Variants in NBL1 observed in about 807,000 individuals in gnomAD.
The protein encoded by NBL1 is NBL1, DAN family BMP antagonist.
NBL1 carries 9 observed loss-of-function variants against 16.0 expected under a neutral mutation model. That is an observed-to-expected ratio of 0.56 (90% CI 0.34 to 0.98). The LOEUF (loss-of-function observed/expected upper bound fraction) is 0.98, where lower values mean the gene tolerates loss of function less well. Among genes scored for constraint, NBL1 ranks in the 50% least tolerant of loss-of-function variants. The pLI is 0.02. For missense variants in NBL1, 196 were observed against 243.1 expected, an observed-to-expected ratio of 0.81 and a Z score of 1.29; for synonymous variants, 86 against 100.7, an observed-to-expected ratio of 0.85 and a Z score of 0.87.
At chr1:19,653,351 A>T (rs2095038176) in intron 1 of NBL1, among the ~76,000 whole-genome samples, 1 of 151,216 alleles carries the variant, frequency 6.6e-6, no homozygotes, top group South Asian at 2.1e-4. Flanking sequence ...GGATTGTCCT[A>T]AATGGGATGC....
Position 19,644,513 on chromosome 1 carries a change from C to G in NBL1, c.-20+67C>G. On this transcript the variant is annotated intron_variant, in intron 1 of 3. Coordinates refer to ENST00000375136, the MANE Select transcript of NBL1 (RefSeq NM_005380.8). This position sits in a 1 kb window ranked among gnomAD's most constrained non-coding sequence, Gnocchi z 4.6. ...GAGGCTTCGGCCGCGGGGGCAGTGCCGCGCCCCCAGCCCGGAGCTGCGTCC... is the reference window on the plus strand; with the variant it reads ...GAGGCTTCGGCCGCGGGGGCAGTGCGGCGCCCCCAGCCCGGAGCTGCGTCC... 4 of 875,462 alleles carry G rather than the reference C, an allele frequency of 4.6e-6. No individual in the cohort carries two copies. Among genetic ancestry groups the G allele is most frequent in the Non-Finnish European group, 5.5e-6 (4 of 732,064 alleles). The allele number at this position is 875,462 out of a possible 1,614,324, so 54.2% of individuals were successfully genotyped here. A position where few individuals can be genotyped will look rare whatever the true frequency, so the allele number is the denominator to read the frequency against.
chr1:19,656,809 C>T (rs754514735), intron 3 of NBL1, 57 bp from the exon 4 acceptor site: 3 of 1,545,372 alleles, frequency 1.9e-6, no homozygotes, highest in South Asian at 2.4e-5. Context: ...CTAGGGGCTG[C>T]CTTGCCTGCC....
At chr1:19,648,701 G>A (rs1218720558) in intron 1 of NBL1, among the ~76,000 whole-genome samples, 4 of 151,950 alleles carry the variant, frequency 2.6e-5, no homozygotes, top group Admixed American at 2.6e-4. Flanking sequence ...CTTTCTGTGT[G>A]GGCGGCAGCT....
At chr1:19,655,231 G>A (rs746686819) in intron 2 of NBL1, 31 bp downstream of exon 2, 6 of 1,605,082 alleles carry the variant, frequency 3.7e-6, no homozygotes, top group East Asian at 2.2e-5. Context: ...GGGGGGATGC[G>A]GACAGGGGTC....
At chr1:19,643,566 C>T (rs1051607686), upstream of NBL1, 155 of 1,419,628 alleles carry the variant, frequency 1.1e-4, no homozygotes, top group Non-Finnish European at 1.4e-4. This position sits in a 1 kb window ranked among gnomAD's most constrained non-coding sequence, Gnocchi z 4.7. Context: ...TAGATAGGAA[C>T]CCCCGAGGTG....
chr1:19,645,923 G>A (rs1174969860), intron 1 of NBL1: 2 of 1,550,126 alleles, frequency 1.3e-6, no homozygotes, highest in South Asian at 2.4e-5. Context: ...TTGTTGGTGA[G>A]GTCTGCAGTG....
chr1:19,655,549 C>G (rs1457987858), intron 3 of NBL1, 114 bp downstream of exon 3: 2 of 1,204,408 alleles, frequency 1.7e-6, no homozygotes, highest in Admixed American at 4.3e-5. Context: ...TAGAAAGGCC[C>G]CACTGTGTGC....
Position 19,657,204 on chromosome 1 carries a change from G to A in NBL1, c.*75G>A, listed in dbSNP as rs2095061504. On this transcript the variant is annotated 3_prime_UTR_variant, in exon 4 of 4. Transcript: ENST00000375136. ...CTCACTCTCTGGGGAAGTCAGGGGA[G>A]AAGCTGAAGCCCCCCTTTGGCACTG... 1.5e-6 allele frequency: 1 copy of A among 667,026 alleles called. No homozygotes were observed. The highest frequency in any genetic ancestry group is 2.5e-6 in the Non-Finnish European group (1 of 394,620). The allele number at this position is 667,026 out of a possible 1,614,324, so 41.3% of individuals were successfully genotyped here.
intron 3 of NBL1, among the ~76,000 whole-genome samples, chr1:19,655,641 A>G (rs1181318633): frequency 6.6e-6 from 1 of 152,196 alleles, no homozygotes; most frequent in Non-Finnish European, 1.5e-5. Context: ...CTTGTACAGG[A>G]CAGGGATGTT....
Position 19,644,687 on chromosome 1 carries a change from C to T in NBL1, c.-20+241C>T, listed in dbSNP as rs2094967136. On this transcript the variant is annotated intron_variant, in intron 1 of 3. Coordinates refer to ENST00000375136, the MANE Select transcript of NBL1 (RefSeq NM_005380.8). This position sits in a 1 kb window ranked among gnomAD's most constrained non-coding sequence, Gnocchi z 4.6. ...CCGGGGGGCACCGCCGCGTCCGGAG[C>T]CCGTCCCCAGACTCGCCCCAGGGTT... 6.6e-6 allele frequency among the ~76,000 whole-genome samples: 1 copy of T among 151,854 alleles called. No individual in the cohort carries two copies. Among genetic ancestry groups the T allele is most frequent in the Admixed American group, 6.6e-5 (1 of 15,258 alleles).
chr1:19,643,441 TC>T (rs1242620661), upstream of NBL1: 1 of 1,609,918 alleles, frequency 6.2e-7, no homozygotes, highest in East Asian at 2.2e-5. The surrounding 1 kb of genome is among the most constrained non-coding windows in gnomAD (Gnocchi z 4.7). Flanking sequence ...TACAATCGTG[TC>T]CCAGTGGTGT....
chr1:19,646,078 G>C, intron 1 of NBL1: 1 of 1,548,268 alleles, frequency 6.5e-7, no homozygotes, highest in Non-Finnish European at 8.7e-7. Flanking sequence ...CACAGAGGTG[G>C]TCAGGGCTGG....
chr1:19,655,705 C>A (rs538713986), intron 3 of NBL1, among the ~76,000 whole-genome samples: 46 of 152,294 alleles, frequency 3.0e-4, no homozygotes, highest in African/African-American at 1.1e-3. Context: ...CAGGGGCTTC[C>A]TGTTGTTATA....
chr1:19,643,668 G>A (rs2094960725), upstream of NBL1: 1 of 1,231,320 alleles, frequency 8.1e-7, no homozygotes, highest in African/African-American at 1.6e-5. The surrounding 1 kb of genome is among the most constrained non-coding windows in gnomAD (Gnocchi z 4.7). Flanking sequence ...TAAGTCCCTG[G>A]GGCTTTTCGG....
chr1:19,652,404 G>C (rs1415073658), intron 1 of NBL1, among the ~76,000 whole-genome samples: 2 of 152,204 alleles, frequency 1.3e-5, no homozygotes, highest in Admixed American at 6.5e-5. Context: ...TTGTCAGCAA[G>C]ACCGGAAATG....
At chr1:19,653,602 G>A (rs897226432) in intron 1 of NBL1, among the ~76,000 whole-genome samples, 1 of 152,228 alleles carries the variant, frequency 6.6e-6, no homozygotes, top group African/African-American at 2.4e-5. Context: ...TTCAGGTTTG[G>A]GAACCACTGG....
At chr1:19,643,296 C>G (rs993373725), upstream of NBL1, 14 of 1,613,098 alleles carry the variant, frequency 8.7e-6, no homozygotes, top group Admixed American at 2.2e-4. This position sits in a 1 kb window ranked among gnomAD's most constrained non-coding sequence, Gnocchi z 4.7. Context: ...CAGCAGGCCA[C>G]TAGGAGCCAC....
intron 1 of NBL1, among the ~76,000 whole-genome samples, chr1:19,649,567 C>T (rs1214195344): frequency 6.6e-6 from 1 of 151,928 alleles, no homozygotes; most frequent in East Asian, 1.9e-4. Flanking sequence ...CCATGTTGGC[C>T]AGGCTGGTCT....
At chr1:19,653,588 A>G (rs183067758) in intron 1 of NBL1, among the ~76,000 whole-genome samples, 29 of 152,352 alleles carry the variant, frequency 1.9e-4, no homozygotes, top group African/African-American at 6.7e-4. Flanking sequence ...AATTCTGATC[A>G]AATTTCAGGT....
Sources: allele counts gnomAD v4.1 joint callset (sites outside exome capture counted in the v4.1 genomes callset), GRCh38; gene constraint gnomAD v4.1.1; non-coding constraint Gnocchi (gnomAD v3.1); transcripts MANE v1.5; gene names NCBI Gene and HGNC (gene_info 2026-07-23, HGNC 2026-07-21).